Variants in ZNF490 observed in about 807,000 individuals in gnomAD.
ZNF490 encodes the protein zinc finger protein 490.
Under a neutral mutation model 17.7 loss-of-function variants are expected in ZNF490, and 11 were observed. That is an observed-to-expected ratio of 0.62 (90% CI 0.39 to 1.03). The LOEUF is 1.03. Ranked by LOEUF, ZNF490 falls within the 50% of genes least tolerant of loss-of-function variation. ZNF490 has a pLI of 0.00. For synonymous variants in ZNF490, 222 were observed against 216.1 expected, an observed-to-expected ratio of 1.03 and a Z score of -0.24; for missense variants, 542 against 643.4, an observed-to-expected ratio of 0.84 and a Z score of 1.71.
intron 2 of ZNF490, among the ~76,000 whole-genome samples, chr19:12,602,573 T>C (rs2023020416): frequency 6.6e-6 from 1 of 151,612 alleles, no homozygotes; most frequent in Non-Finnish European, 1.5e-5. Context: ...CACTGAGGTC[T>C]TCCTAGAGGG....
chr19:12,598,912 G>A (rs1214515990), intron 2 of ZNF490, among the ~76,000 whole-genome samples: 6 of 151,448 alleles, frequency 4.0e-5, no homozygotes, highest in Non-Finnish European at 8.8e-5. Flanking sequence ...GCTTGAACCT[G>A]GGAGGCAGAG....
At chr19:12,602,638 T>G (rs948524433) in intron 2 of ZNF490, among the ~76,000 whole-genome samples, 8 of 151,578 alleles carry the variant, frequency 5.3e-5, no homozygotes, top group Non-Finnish European at 1.2e-4. Flanking sequence ...TTTTTTTTTT[T>G]GTCGAGACAA....
intron 2 of ZNF490, among the ~76,000 whole-genome samples, chr19:12,601,090 A>AAAAAAG (rs1185065669): frequency 4.0e-5 from 6 of 151,798 alleles, no homozygotes; most frequent in Non-Finnish European, 8.8e-5. Context: ...TGTCTCAAAA[A>AAAAAAG]AAAAAGAAAA....
rs1648483562 is a variant in ZNF490, at chr19:12,580,790, A to G, written c.1285T>C (p.Tyr429His). Residue 429 changes from tyrosine to histidine, a missense_variant, in exon 5 of 5, where the codon TAT becomes CAT. Physicochemically the swap from Tyr to His is moderately conservative, Grantham distance 83. Coordinates refer to ENST00000311437, the MANE Select transcript of ZNF490 (RefSeq NM_020714.3). ...TCATGGATTCGAAAGTGAGTGGAAT[A>G]AAGAAAGGCTTTACCACATTCTTTA... Reference protein sequence around the residue: ...ECKECGKAFLYSTHFRIHERT... With the variant: ...ECKECGKAFLHSTHFRIHERT... 1 of 1,614,106 alleles carries G rather than the reference A, an allele frequency of 6.2e-7. No homozygotes were observed. The highest frequency in any genetic ancestry group is 8.5e-7 in the Non-Finnish European group (1 of 1,180,052).
intron 4 of ZNF490, among the ~76,000 whole-genome samples, chr19:12,582,538 G>GCACC (rs2022751435): frequency 6.6e-6 from 1 of 151,892 alleles, no homozygotes; most frequent in South Asian, 2.1e-4. Context: ...GGGACTATAG[G>GCACC]TGCACGCCAC....
At chr19:12,590,852 G>T (rs2022861332) in intron 2 of ZNF490, among the ~76,000 whole-genome samples, 2 of 151,434 alleles carry the variant, frequency 1.3e-5, no homozygotes, top group South Asian at 4.2e-4. Flanking sequence ...CTAAGATGGG[G>T]TGGATCACTT....
intron 2 of ZNF490, among the ~76,000 whole-genome samples, chr19:12,597,756 ATGT>A (rs765033415): frequency 6.6e-6 from 1 of 151,976 alleles, no homozygotes; most frequent in Non-Finnish European, 1.5e-5. Flanking sequence ...AATCTTCCTG[ATGT>A]TGTAGCATGT....
chr19:12,596,828 A>G (rs976081124), intron 2 of ZNF490, among the ~76,000 whole-genome samples: 2 of 152,150 alleles, frequency 1.3e-5, no homozygotes, highest in Admixed American at 6.5e-5. Context: ...CCAGGCTTCA[A>G]TTCTCACAGG....
Position 12,578,962 on chromosome 19 carries a change from A to C in ZNF490, c.*1523T>G. ...GTGTGGGTGGTTTCATGGTTTTAAAATGAACTGGAGGCCGGGCGCGGTGGC... is the reference window on the plus strand; with the variant it reads ...GTGTGGGTGGTTTCATGGTTTTAAACTGAACTGGAGGCCGGGCGCGGTGGC... On this transcript the variant is annotated 3_prime_UTR_variant, in exon 5 of 5. Coordinates refer to ENST00000311437, the MANE Select transcript of ZNF490 (RefSeq NM_020714.3). The C allele has an allele frequency of 2.0e-6, 2 of 985,560 alleles. No individual in the cohort carries two copies. Among genetic ancestry groups the C allele is most frequent in the Non-Finnish European group, 2.4e-6 (2 of 830,034 alleles). 61.1% of individuals were successfully genotyped at this position (985,560 alleles called of 1,614,324 possible). A position where few individuals can be genotyped will look rare whatever the true frequency, so the allele number is the denominator to read the frequency against.
chr19:12,585,486 G>A (rs2022800012), intron 2 of ZNF490, among the ~76,000 whole-genome samples: 2 of 92,978 alleles, frequency 2.2e-5, no homozygotes, highest in South Asian at 2.9e-4. Flanking sequence ...TTTACAACAA[G>A]AGAGGGTCCA....
At chr19:12,603,880 T>C (rs1300276280) in intron 2 of ZNF490, among the ~76,000 whole-genome samples, 7 of 152,126 alleles carry the variant, frequency 4.6e-5, no homozygotes, top group African/African-American at 1.4e-4. Flanking sequence ...TCTTTAGTTA[T>C]TCATAACCAT....
At position 12,581,003 on chromosome 19, in the gene ZNF490, C is replaced by T. The variant is rs374620519; in HGVS notation, c.1072G>A (p.Gly358Arg). ...SLRKHVKTHT[G>R]VQPYTCKKCG... ...TTCTTACATGTATAAGGTTGAACTC[C>T]GGTGTGGGTTTTCACGTGTTTTCGA... Residue 358 changes from glycine to arginine, a missense_variant, in exon 5 of 5, where the codon GGA becomes AGA. Gly to Arg is a moderately radical substitution (Grantham distance 125). Transcript: ENST00000311437. 1.6e-5 allele frequency: 26 copies of T among 1,613,980 alleles called. No homozygotes were observed. Among genetic ancestry groups the T allele is most frequent in the Admixed American group, 3.3e-5 (2 of 59,976 alleles).
intron 2 of ZNF490, among the ~76,000 whole-genome samples, chr19:12,599,691 GC>G (rs944356514): frequency 6.6e-6 from 1 of 152,194 alleles, no homozygotes; most frequent in Admixed American, 6.5e-5. Flanking sequence ...AGTTTTACAT[GC>G]AAGGTGTGTA....
At position 12,579,245 on chromosome 19, in the gene ZNF490, C is replaced by CA. The variant is rs756498357; in HGVS notation, c.*1239dup. The stretch of plus-strand genomic sequence containing the variant: ...TCCAGCCTGGGCAAGGACTCCGTCT[C>CA]AAAAAAAAAAAAAAAGAACTGGGGG... On this transcript the variant is annotated 3_prime_UTR_variant, in exon 5 of 5. Coordinates refer to ENST00000311437, the MANE Select transcript of ZNF490 (RefSeq NM_020714.3). 0.077 allele frequency: 7,160 copies of CA among 93,036 alleles called. 330 individuals are homozygous for CA. The highest frequency in any genetic ancestry group is 0.19 in the Middle Eastern group (21 of 110). The allele number at this position is 93,036 out of a possible 1,614,324, so 5.8% of individuals were successfully genotyped here.
Position 12,581,276 on chromosome 19 carries a change from G to A in ZNF490, c.799C>T (p.Arg267Cys), listed in dbSNP as rs149155188. ...KAFRYLTALRRHEKNHTGEKP... is the reference protein window; with the variant it reads ...KAFRYLTALRCHEKNHTGEKP... Reference sequence around the variant, plus strand: ...TCTCCAGTGTGATTTTTTTCATGGCGCCGAAGAGCAGTGAGATATCTGAAT... The same window carrying A: ...TCTCCAGTGTGATTTTTTTCATGGCACCGAAGAGCAGTGAGATATCTGAAT... The change falls in exon 5 of 5, where the codon CGC (arginine) becomes TGC (cysteine). Residue 267 changes from arginine to cysteine, a missense_variant. Arg to Cys is a radical substitution (Grantham distance 180, BLOSUM62 -3). Transcript: ENST00000311437. 3 of 1,613,210 alleles carry A rather than the reference G, an allele frequency of 1.9e-6. No homozygotes were observed. Among genetic ancestry groups the A allele is most frequent in the East Asian group, 2.2e-5 (1 of 44,832 alleles).
Position 12,578,890 on chromosome 19 carries a change from A to G in ZNF490, c.*1595T>C, listed in dbSNP as rs899467139. On this transcript the variant is annotated 3_prime_UTR_variant, in exon 5 of 5. Coordinates refer to ENST00000311437, the MANE Select transcript of ZNF490 (RefSeq NM_020714.3). Reference sequence around the variant, plus strand: ...AATCTCGACAATGGTTGCAGATGTCATTGAAGATGTTCCCATATTGCTTAC... The same window carrying G: ...AATCTCGACAATGGTTGCAGATGTCGTTGAAGATGTTCCCATATTGCTTAC... The G allele has an allele frequency of 1.5e-4, 149 of 985,310 alleles. No individual in the cohort carries two copies. The highest frequency in any genetic ancestry group is 1.7e-4 in the Non-Finnish European group (145 of 829,942). The allele number at this position is 985,310 out of a possible 1,614,324, so 61.0% of individuals were successfully genotyped here.
chr19:12,592,357 C>T (rs2145151679), intron 2 of ZNF490, among the ~76,000 whole-genome samples: 1 of 149,044 alleles, frequency 6.7e-6, no homozygotes, highest in African/African-American at 2.5e-5. Context: ...TCTGGGAGTT[C>T]AAGACCAGCA....
At chr19:12,583,915 A>G (rs2022782166) in intron 2 of ZNF490, among the ~76,000 whole-genome samples, 1 of 147,954 alleles carries the variant, frequency 6.8e-6, no homozygotes. Flanking sequence ...GGTTCACACC[A>G]TTCTCCTGTC....
At chr19:12,601,085 CA>C (rs539745562) in intron 2 of ZNF490, among the ~76,000 whole-genome samples, 12 of 110,298 alleles carry the variant, frequency 1.1e-4, no homozygotes, top group Admixed American at 2.9e-4. Flanking sequence ...GACCCTGTCT[CA>C]AAAAAAAAAG....
Sources: allele counts gnomAD v4.1 joint callset (sites outside exome capture counted in the v4.1 genomes callset), GRCh38; gene constraint gnomAD v4.1.1; transcripts MANE v1.5; gene names NCBI Gene and HGNC (gene_info 2026-07-23, HGNC 2026-07-21).